Variants in CEP120 observed in about 807,000 individuals in gnomAD.
The protein encoded by CEP120 is centrosomal protein 120.
Under a neutral mutation model 126.5 loss-of-function variants are expected in CEP120, and 113 were observed. That is an observed-to-expected ratio of 0.89 (90% CI 0.77 to 1.04). CEP120 has a LOEUF of 1.04. Among genes scored for constraint, CEP120 ranks in the 50% least tolerant of loss-of-function variants. The pLI is 0.00. For missense variants in CEP120, 1,230 were observed against 1,155.7 expected, an observed-to-expected ratio of 1.06 and a Z score of -0.93; for synonymous variants, 400 against 394.3, an observed-to-expected ratio of 1.01 and a Z score of -0.17.
intron 4 of CEP120, chr5:123,402,257 G>A (rs538339241): frequency 8.0e-5 from 120 of 1,491,198 alleles, no homozygotes; most frequent in African/African-American, 1.4e-4. Flanking sequence ...TGTGGGCACC[G>A]GGCCCACTTG....
At chr5:123,367,836 CTCAA>C (rs1426600174) in intron 17 of CEP120, among the ~76,000 whole-genome samples, 2 of 151,866 alleles carry the variant, frequency 1.3e-5, no homozygotes, top group Admixed American at 6.6e-5. Flanking sequence ...AAACAAAACT[CTCAA>C]TCAGACATAA....
At chr5:123,375,771 T>A (rs1010911822) in intron 16 of CEP120, among the ~76,000 whole-genome samples, 1 of 152,100 alleles carries the variant, frequency 6.6e-6, no homozygotes, top group African/African-American at 2.4e-5. Context: ...CCCATCATAA[T>A]TGCCCACTTT....
At chr5:123,420,738 T>G (rs1303681186) in intron 1 of CEP120, among the ~76,000 whole-genome samples, 1 of 152,198 alleles carries the variant, frequency 6.6e-6, no homozygotes, top group Admixed American at 6.5e-5. Context: ...GAAAAGATTA[T>G]TACAGTAAGT....
intron 3 of CEP120, among the ~76,000 whole-genome samples, chr5:123,415,322 T>C (rs1774319384): frequency 6.6e-6 from 1 of 151,948 alleles, no homozygotes; most frequent in Admixed American, 6.6e-5. Flanking sequence ...AAAGGAAAAA[T>C]GTCAAGGAAG....
At chr5:123,386,257 T>C (rs184940504) in intron 10 of CEP120, among the ~76,000 whole-genome samples, 3 of 152,224 alleles carry the variant, frequency 2.0e-5, no homozygotes, top group Admixed American at 6.5e-5. Context: ...TCATTACATA[T>C]AGTTTGTTTT....
At chr5:123,382,965 A>G (rs1186723109) in intron 12 of CEP120, 21 bp downstream of exon 12, 1 of 1,594,882 alleles carries the variant, frequency 6.3e-7, no homozygotes, top group African/African-American at 1.4e-5. Flanking sequence ...AAAAAATTTG[A>G]TAACATTCAA....
chr5:123,384,873 T>G (rs1580689182), intron 11 of CEP120, 78 bp downstream of exon 11: 3 of 1,228,314 alleles, frequency 2.4e-6, no homozygotes, highest in Non-Finnish European at 2.3e-6. Flanking sequence ...TATGGAAGGG[T>G]GAAGTGGTGG....
intron 16 of CEP120, among the ~76,000 whole-genome samples, chr5:123,376,724 G>A (rs186435056): frequency 3.4e-4 from 51 of 152,178 alleles, no homozygotes; most frequent in East Asian, 3.9e-4. Flanking sequence ...AGATATATGG[G>A]TCTAGAGGGC....
chr5:123,351,350 A>T (rs1226431471), intron 18 of CEP120, among the ~76,000 whole-genome samples: 1 of 152,222 alleles, frequency 6.6e-6, no homozygotes. Context: ...CTCTGTAGTT[A>T]ATCATTTACA....
intron 17 of CEP120, among the ~76,000 whole-genome samples, chr5:123,366,730 T>C (rs1473659932): frequency 6.6e-6 from 1 of 151,988 alleles, no homozygotes; most frequent in East Asian, 1.9e-4. Context: ...AAATCTATTC[T>C]ATCTACTAAT....
chr5:123,380,172 G>A (rs1459234778), intron 14 of CEP120, among the ~76,000 whole-genome samples: 1 of 151,780 alleles, frequency 6.6e-6, no homozygotes, highest in Non-Finnish European at 1.5e-5. Context: ...AGAGTCTCAG[G>A]GTATTTAGCT....
chr5:123,388,944 A>T (rs184843309), intron 8 of CEP120, among the ~76,000 whole-genome samples: 202 of 152,356 alleles, frequency 1.3e-3, no homozygotes, highest in African/African-American at 4.5e-3. Flanking sequence ...AGGGCTGTAT[A>T]TGAGACTTAC....
chr5:123,371,353 G>A (rs113079443), intron 17 of CEP120, among the ~76,000 whole-genome samples: 9 of 152,130 alleles, frequency 5.9e-5, no homozygotes, highest in Admixed American at 1.3e-4. Context: ...TGTGGATGGC[G>A]GCAGGCAAAG....
chr5:123,376,285 G>C (rs962642861), intron 16 of CEP120, among the ~76,000 whole-genome samples: 1 of 152,058 alleles, frequency 6.6e-6, no homozygotes, highest in Non-Finnish European at 1.5e-5. Context: ...TAAAACTGAA[G>C]GAGGAACAGA....
intron 1 of CEP120, among the ~76,000 whole-genome samples, chr5:123,420,704 A>G (rs530585416): frequency 9.3e-4 from 142 of 152,392 alleles, no homozygotes; most frequent in African/African-American, 3.2e-3. Flanking sequence ...GGAAAGGAAG[A>G]AAACATTGAA....
In CEP120 at chr5:123,346,331, A is replaced by G; in HGVS notation, c.*188T>C. The G allele has an allele frequency of 2.2e-6, 1 of 458,256 alleles. No homozygotes were observed. Among genetic ancestry groups the G allele is most frequent in the Non-Finnish European group, 3.8e-6 (1 of 262,250 alleles). The allele number at this position is 458,256 out of a possible 1,614,324, so 28.4% of individuals were successfully genotyped here. Reference sequence around the variant, plus strand: ...GAGTATATAAATGCAAATTACAAATAAAACCAGTGTGGGAGAGGTAGCATA... The same window carrying G: ...GAGTATATAAATGCAAATTACAAATGAAACCAGTGTGGGAGAGGTAGCATA... On this transcript the variant is annotated 3_prime_UTR_variant, in exon 20 of 20. Transcript: ENST00000306467.
chr5:123,389,531 G>A (rs914844285), intron 8 of CEP120, among the ~76,000 whole-genome samples: 3 of 152,040 alleles, frequency 2.0e-5, no homozygotes, highest in South Asian at 2.1e-4. Context: ...ACGGAGTTCC[G>A]CTCTTGTTGC....
chr5:123,408,433 T>C (rs567624904), intron 4 of CEP120, among the ~76,000 whole-genome samples: 144 of 148,630 alleles, frequency 9.7e-4, no homozygotes, highest in South Asian at 2.3e-3. Flanking sequence ...AAATGAAAGA[T>C]GGGATCACTA....
At chr5:123,422,196 G>T (rs1352011188) in intron 1 of CEP120, among the ~76,000 whole-genome samples, 1 of 152,046 alleles carries the variant, frequency 6.6e-6, no homozygotes, top group African/African-American at 2.4e-5. Context: ...TCTTTGCCTG[G>T]AATGCCCTTC....
Sources: allele counts gnomAD v4.1 joint callset (sites outside exome capture counted in the v4.1 genomes callset), GRCh38; gene constraint gnomAD v4.1.1; transcripts MANE v1.5; gene names NCBI Gene and HGNC (gene_info 2026-07-23, HGNC 2026-07-21).